The following CTIF variants were observed in gnomAD, a reference collection of about 807,000 sequenced individuals.
CTIF encodes CBP80/20-dependent translation initiation factor.
CTIF carries 21 observed loss-of-function variants against 66.0 expected under a neutral mutation model. The ratio of observed to expected loss-of-function variants is 0.32; its 90% CI spans 0.23 to 0.46. The LOEUF is 0.46. Ranked by LOEUF, CTIF falls within the 20% of genes least tolerant of loss-of-function variation. The pLI, the probability that CTIF is intolerant of heterozygous loss-of-function variation, is 1.00. For synonymous variants in CTIF, 345 were observed against 326.4 expected, an observed-to-expected ratio of 1.06 and a Z score of -0.62; for missense variants, 739 against 812.7, an observed-to-expected ratio of 0.91 and a Z score of 1.10.
At chr18:48,582,455 G>A (rs966799732) in intron 1 of CTIF, among the ~76,000 whole-genome samples, 4 of 152,116 alleles carry the variant, frequency 2.6e-5, no homozygotes, top group African/African-American at 7.2e-5. Context: ...CTTTCTGGGG[G>A]CCTCATGCAC....
intron 3 of CTIF, among the ~76,000 whole-genome samples, chr18:48,647,725 G>A (rs2144734067): frequency 6.6e-6 from 1 of 152,318 alleles, no homozygotes; most frequent in South Asian, 2.1e-4. Context: ...TGTTTTTAGG[G>A]GGCAAGGGGA....
intron 10 of CTIF, among the ~76,000 whole-genome samples, chr18:48,828,786 A>G (rs9960719): frequency 0.097 from 14,816 of 152,244 alleles, 759 homozygotes; most frequent in Non-Finnish European, 0.12. Context: ...CGTTCCCTGC[A>G]GAGGGCACAA....
intron 2 of CTIF, among the ~76,000 whole-genome samples, chr18:48,627,778 G>A (rs1216510271): frequency 6.7e-6 from 1 of 149,002 alleles, no homozygotes; most frequent in Non-Finnish European, 1.5e-5. Flanking sequence ...TTGGGGGGGA[G>A]GGTGGGGAGG....
In CTIF at chr18:48,640,281, C is replaced by T. The variant is rs536189681; in HGVS notation, c.252+3596C>T. On this transcript the variant is annotated intron_variant, in intron 3 of 11. Coordinates refer to ENST00000256413, the MANE Select transcript of CTIF (RefSeq NM_014772.3). ...GACTCATGCTGTTGCCAAGCTGTTC[C>T]GCGCACACCTGCCTGTGCCTCAGCC... 3.0e-4 allele frequency among the ~76,000 whole-genome samples: 46 copies of T among 152,336 alleles called. 1 individual carries two copies. Among genetic ancestry groups the T allele is most frequent in the South Asian group, 6.2e-4 (3 of 4,828 alleles).
At chr18:48,783,201 G>T (rs535238501) in intron 9 of CTIF, among the ~76,000 whole-genome samples, 4 of 152,280 alleles carry the variant, frequency 2.6e-5, no homozygotes, top group Non-Finnish European at 4.4e-5. Context: ...GGACCACCTG[G>T]GAGGCCTAGC....
chr18:48,697,134 C>T (rs1419545111), intron 6 of CTIF, among the ~76,000 whole-genome samples: 1 of 152,218 alleles, frequency 6.6e-6, no homozygotes, highest in African/African-American at 2.4e-5. Context: ...CACAGTGGAT[C>T]CAGTAAGAAT....
intron 3 of CTIF, among the ~76,000 whole-genome samples, chr18:48,639,924 G>T (rs1180183452): frequency 6.6e-6 from 1 of 152,176 alleles, no homozygotes; most frequent in East Asian, 1.9e-4. Flanking sequence ...ATCTCCTGTT[G>T]CCCCCTACTG....
chr18:48,767,862 G>T (rs962846700), intron 9 of CTIF, among the ~76,000 whole-genome samples: 2 of 152,208 alleles, frequency 1.3e-5, no homozygotes, highest in African/African-American at 2.4e-5. Context: ...GCTCAGTTGA[G>T]TGGTGACTCT....
chr18:48,753,872 G>T (rs1035560582), intron 7 of CTIF, among the ~76,000 whole-genome samples: 1 of 152,188 alleles, frequency 6.6e-6, no homozygotes, highest in East Asian at 1.9e-4. Flanking sequence ...CTCATCCCTG[G>T]CCCAGCCAAA....
intron 9 of CTIF, among the ~76,000 whole-genome samples, chr18:48,774,908 T>C (rs1910524265): frequency 6.6e-6 from 1 of 152,184 alleles, no homozygotes; most frequent in African/African-American, 2.4e-5. Flanking sequence ...CGCCACATAT[T>C]GGACCCATAC....
chr18:48,728,687 T>C (rs1274065558), intron 7 of CTIF, among the ~76,000 whole-genome samples: 2 of 151,244 alleles, frequency 1.3e-5, no homozygotes, highest in Non-Finnish European at 2.9e-5. Context: ...TGGGCCTCTC[T>C]GTAGGGTGCT....
At chr18:48,806,195 T>A (rs1401890625) in intron 9 of CTIF, among the ~76,000 whole-genome samples, 4 of 152,222 alleles carry the variant, frequency 2.6e-5, no homozygotes, top group African/African-American at 9.6e-5. Context: ...AAGCACCTTT[T>A]ATTTGAAAAT....
At chr18:48,851,880 T>C (rs1490558257) in intron 10 of CTIF, among the ~76,000 whole-genome samples, 2 of 143,384 alleles carry the variant, frequency 1.4e-5, no homozygotes, top group African/African-American at 2.6e-5. Context: ...ATTTTAAGGA[T>C]TTTTTTTTCC....
rs532998337 is a variant in CTIF at position 48,586,537 on chromosome 18, C to T, written c.-28-33001C>T. ...CTGCCCACCTCGGCCTCCCAAAGTG[C>T]TGGGATTATAGGCGTGAGCCACCAC... is the stretch of plus-strand genomic sequence containing the variant. On this transcript the variant is annotated intron_variant, in intron 1 of 11. Coordinates refer to ENST00000256413, the MANE Select transcript of CTIF (RefSeq NM_014772.3). Among the ~76,000 whole-genome samples the T allele has an allele frequency of 1.8e-4, 27 of 152,286 alleles. No homozygotes were observed. The South Asian group carries it at 5.6e-3, about 32-fold the overall frequency.
At chr18:48,706,336 T>TGGGTGGATGGAGGCATAGAC (rs2092153878) in intron 6 of CTIF, among the ~76,000 whole-genome samples, 1 of 152,100 alleles carries the variant, frequency 6.6e-6, no homozygotes, top group Non-Finnish European at 1.5e-5. Flanking sequence ...CATGGAGGGA[T>TGGGTGGATGGAGGCATAGAC]GGGTGGATGG....
At chr18:48,850,294 G>A (rs1314008258) in intron 10 of CTIF, among the ~76,000 whole-genome samples, 1 of 152,106 alleles carries the variant, frequency 6.6e-6, no homozygotes, top group Non-Finnish European at 1.5e-5. Context: ...TCCGCCTCTT[G>A]CTATTGTCAG....
chr18:48,735,672 G>GCC (rs2092494974), intron 7 of CTIF, among the ~76,000 whole-genome samples: 1 of 152,180 alleles, frequency 6.6e-6, no homozygotes, highest in Non-Finnish European at 1.5e-5. Context: ...GAGTCCCAGA[G>GCC]CCCAGTTCCT....
At chr18:48,675,222 A>G (rs2091606856) in intron 6 of CTIF, among the ~76,000 whole-genome samples, 1 of 152,208 alleles carries the variant, frequency 6.6e-6, no homozygotes, top group Non-Finnish European at 1.5e-5. Context: ...TCCATCCACA[A>G]GGCTGGTGTC....
At chr18:48,640,124 C>T (rs779044287) in intron 3 of CTIF, among the ~76,000 whole-genome samples, 3 of 152,186 alleles carry the variant, frequency 2.0e-5, no homozygotes. Context: ...CTGTTCCCTT[C>T]ATCCTTCAAG....
Sources: allele counts gnomAD v4.1 joint callset (sites outside exome capture counted in the v4.1 genomes callset), GRCh38; gene constraint gnomAD v4.1.1; transcripts MANE v1.5; gene names NCBI Gene and HGNC (gene_info 2026-07-23, HGNC 2026-07-21).